BCAS3: variants seen among roughly 807,000 people sequenced by gnomAD.
BCAS3 encodes the protein BCAS3 microtubule associated cell migration factor, also known as BCAS4/BCAS3 fusion.
Under a neutral mutation model 116.1 loss-of-function variants are expected in BCAS3, and 53 were observed. The ratio of observed to expected loss-of-function variants is 0.46; its 90% CI spans 0.37 to 0.57. The LOEUF (loss-of-function observed/expected upper bound fraction) is 0.57, where lower values mean the gene tolerates loss of function less well. BCAS3 is among the 20% of genes least tolerant of loss of function. The probability of loss-of-function intolerance (pLI) is 0.00; values close to 1 mark genes in which losing one functional copy is unlikely to be tolerated. For synonymous variants in BCAS3, 391 were observed against 408.2 expected (o/e 0.96, Z 0.51); for missense variants, 917 against 1,165.4 (o/e 0.79, Z 3.10).
intron 22 of BCAS3, among the ~76,000 whole-genome samples, chr17:61,101,300 A>G (rs1165099804): frequency 6.6e-6 from 1 of 152,132 alleles, no homozygotes; most frequent in Non-Finnish European, 1.5e-5. Context: ...ACTCTCAATC[A>G]GGTAGTGGTT....
intron 22 of BCAS3, among the ~76,000 whole-genome samples, chr17:61,231,868 T>TC (rs1555787920): frequency 3.9e-5 from 1 of 25,642 alleles, no homozygotes; most frequent in Non-Finnish European, 9.5e-5. Flanking sequence ...AGACCCTGTC[T>TC]CAAAAAAAAA....
chr17:60,942,320 G>T (rs555014635), intron 13 of BCAS3, among the ~76,000 whole-genome samples: 1 of 152,060 alleles, frequency 6.6e-6, no homozygotes, highest in African/African-American at 2.4e-5. Flanking sequence ...CCAGCTACTC[G>T]GGAGGCTGTG....
intron 6 of BCAS3, among the ~76,000 whole-genome samples, chr17:60,790,502 G>C (rs980891528): frequency 3.4e-4 from 52 of 152,108 alleles, no homozygotes; most frequent in African/African-American, 1.2e-3. Flanking sequence ...CTGTGGGCCT[G>C]TTAATTTTTA....
intron 22 of BCAS3, among the ~76,000 whole-genome samples, chr17:61,212,072 C>T (rs2081492070): frequency 1.3e-5 from 2 of 152,112 alleles, no homozygotes; most frequent in African/African-American, 2.4e-5. Flanking sequence ...AACTGGTACA[C>T]GATTGTTTTC....
chr17:61,323,716 T>C lies in BCAS3; in HGVS notation c.2426-44611T>C, dbSNP rs2055498323. Reference sequence around the variant, plus strand: ...AGCCTCTGTTTCCTTAATAGGCCACTTCCCTCCAAGGATTCAGGGACCATT... The same window carrying C: ...AGCCTCTGTTTCCTTAATAGGCCACCTCCCTCCAAGGATTCAGGGACCATT... On this transcript the variant is annotated intron_variant, in intron 22 of 23. Transcript: ENST00000407086. This position sits in a 1 kb window ranked among gnomAD's most constrained non-coding sequence, Gnocchi z 4.6. 6.6e-6 allele frequency among the ~76,000 whole-genome samples: 1 copy of C among 152,150 alleles called. No individual in the cohort carries two copies. Among genetic ancestry groups the C allele is most frequent in the Non-Finnish European group, 1.5e-5 (1 of 68,026 alleles).
At chr17:61,168,129 G>C (rs569628291) in intron 22 of BCAS3, among the ~76,000 whole-genome samples, 1 of 152,220 alleles carries the variant, frequency 6.6e-6, no homozygotes, top group Non-Finnish European at 1.5e-5. Flanking sequence ...TATTTCATTT[G>C]CTGGGTCAGG....
In BCAS3 at chr17:61,282,737, A is replaced by T. The variant is rs1244626571; in HGVS notation, c.2426-85590A>T. On this transcript the variant is annotated intron_variant, in intron 22 of 23. Transcript: ENST00000407086. The surrounding 1 kb of genome is among the most constrained non-coding windows in gnomAD (Gnocchi z 5.9). ...AGAAGTCTCTATACCTCACTTTGAG[A>T]GAATTTCCATTTTGGTTTAATGAGT... is the stretch of plus-strand genomic sequence containing the variant. Among the ~76,000 whole-genome samples, 1 of 152,206 alleles carries T rather than the reference A, an allele frequency of 6.6e-6. No homozygotes were observed. Among genetic ancestry groups the T allele is most frequent in the Admixed American group, 6.5e-5 (1 of 15,274 alleles).
At chr17:61,370,549 C>G (rs879756955) in intron 23 of BCAS3, among the ~76,000 whole-genome samples, 6 of 152,142 alleles carry the variant, frequency 3.9e-5, no homozygotes, top group Non-Finnish European at 4.4e-5. Flanking sequence ...CTACCACGCC[C>G]AGCTAATTTT....
chr17:61,049,730 C>CTTTTTTTTTTTTTTT (rs1027378849), intron 19 of BCAS3, among the ~76,000 whole-genome samples: 44 of 120,802 alleles, frequency 3.6e-4, no homozygotes, highest in South Asian at 7.6e-4. Flanking sequence ...CTTTTCTTTT[C>CTTTTTTTTTTTTTTT]TTTTTTTTTT....
Position 61,251,121 on chromosome 17 carries a change from T to C in BCAS3, c.2426-117206T>C, listed in dbSNP as rs374575046. 3.0e-4 allele frequency among the ~76,000 whole-genome samples: 46 copies of C among 152,320 alleles called. No homozygotes were observed. In the East Asian group the frequency reaches 5.6e-3, roughly 19 times the overall value. The stretch of plus-strand genomic sequence containing the variant: ...TTCCTGTGAGCCAGTCTTACATCAC[T>C]GGTGCAAGAATTGGGCAGTGCTTGC... On this transcript the variant is annotated intron_variant, in intron 22 of 23. Transcript: ENST00000407086. The surrounding 1 kb of genome is among the most constrained non-coding windows in gnomAD (Gnocchi z 4.7).
intron 12 of BCAS3, among the ~76,000 whole-genome samples, chr17:60,913,053 TA>T (rs2058599545): frequency 6.6e-6 from 1 of 152,106 alleles, no homozygotes; most frequent in South Asian, 2.1e-4. Context: ...TTTTTTTCTT[TA>T]AGTTCATTAA....
At chr17:60,707,564 T>TGA (rs2037327728) in intron 4 of BCAS3, among the ~76,000 whole-genome samples, 1 of 152,212 alleles carries the variant, frequency 6.6e-6, no homozygotes, top group South Asian at 2.1e-4. Context: ...AGTACAGTGT[T>TGA]GAATATAAGT....
In BCAS3 at chr17:61,352,851, C is replaced by CTGG. The variant is rs2057927761; in HGVS notation, c.2426-15473_2426-15471dup. On this transcript the variant is annotated intron_variant, in intron 22 of 23. Transcript: ENST00000407086. This position sits in a 1 kb window ranked among gnomAD's most constrained non-coding sequence, Gnocchi z 4.7. ...CCCTCTGCAGCTGTGCAGAGAAGGC[C>CTGG]TGGTGCCGCCACACTCCTGCTCGGC... Among the ~76,000 whole-genome samples, 1 of 152,168 alleles carries CTGG rather than the reference C, an allele frequency of 6.6e-6. No homozygotes were observed. Among genetic ancestry groups the CTGG allele is most frequent in the Admixed American group, 6.5e-5 (1 of 15,272 alleles).
intron 6 of BCAS3, among the ~76,000 whole-genome samples, chr17:60,753,035 G>A (rs935299206): frequency 2.0e-5 from 3 of 151,770 alleles, no homozygotes; most frequent in African/African-American, 7.3e-5. Flanking sequence ...TGTAGAGTGA[G>A]GTCTTGCCAT....
intron 6 of BCAS3, among the ~76,000 whole-genome samples, chr17:60,771,407 A>G (rs2044693331): frequency 6.6e-6 from 1 of 151,020 alleles, no homozygotes; most frequent in African/African-American, 2.5e-5. Flanking sequence ...AGTTGTCAGG[A>G]TAAAGTATGT....
At chr17:60,933,954 G>A (rs182169058) in intron 13 of BCAS3, among the ~76,000 whole-genome samples, 1 of 152,244 alleles carries the variant, frequency 6.6e-6, no homozygotes, top group East Asian at 1.9e-4. Flanking sequence ...TTTACTCTCT[G>A]AAGAATTAGT....
In BCAS3 at chr17:61,364,901, C is replaced by T. The variant is rs564496160; in HGVS notation, c.2426-3426C>T. ...CCATAAATGGGGGATAGTACCTCTA[C>T]GACCTCTCAGGATCATTATGATAGT... On this transcript the variant is annotated intron_variant, in intron 22 of 23. Transcript: ENST00000407086. This position sits in a 1 kb window ranked among gnomAD's most constrained non-coding sequence, Gnocchi z 5.4. Among the ~76,000 whole-genome samples, 21 of 152,308 alleles carry T rather than the reference C, an allele frequency of 1.4e-4. 1 individual carries two copies. The South Asian group carries it at 3.5e-3, about 26-fold the overall frequency.
At chr17:61,212,161 A>G (rs1446345945) in intron 22 of BCAS3, among the ~76,000 whole-genome samples, 2 of 152,254 alleles carry the variant, frequency 1.3e-5, no homozygotes, top group African/African-American at 2.4e-5. Flanking sequence ...TAAGGATTAT[A>G]CAAAAAGCAT....
chr17:60,862,379 A>G (rs1329327999), intron 7 of BCAS3, among the ~76,000 whole-genome samples: 1 of 152,124 alleles, frequency 6.6e-6, no homozygotes, highest in Non-Finnish European at 1.5e-5. Flanking sequence ...TTTCAGTAGG[A>G]TTGGTAGCAG....
Sources: allele counts gnomAD v4.1 joint callset (sites outside exome capture counted in the v4.1 genomes callset), GRCh38; gene constraint gnomAD v4.1.1; non-coding constraint Gnocchi (gnomAD v3.1); transcripts MANE v1.5; gene names NCBI Gene and HGNC (gene_info 2026-07-23, HGNC 2026-07-21).